The following ITCH variants were observed in gnomAD, a reference collection of about 807,000 sequenced individuals.
ITCH encodes E3 ubiquitin-protein ligase Itchy homolog.
A neutral mutation model predicts 126.8 loss-of-function variants in ITCH; 28 were observed. That is an observed-to-expected ratio of 0.22 (90% CI 0.16 to 0.30). The LOEUF is 0.30. ITCH is among the 10% of genes least tolerant of loss of function. The pLI is 1.00. For synonymous variants in ITCH, 342 were observed against 340.0 expected, an observed-to-expected ratio of 1.01 and a Z score of -0.06; for missense variants, 631 against 1,032.4, an observed-to-expected ratio of 0.61 and a Z score of 5.33.
At chr20:34,482,945 C>T (rs1988861612) in intron 20 of ITCH, among the ~76,000 whole-genome samples, 2 of 152,190 alleles carry the variant, frequency 1.3e-5, no homozygotes, top group Non-Finnish European at 2.9e-5. Flanking sequence ...TTTTTGCCTT[C>T]TGTGCACCCT....
intron 23 of ITCH, among the ~76,000 whole-genome samples, chr20:34,496,100 C>G (rs1989864178): frequency 6.6e-6 from 1 of 151,874 alleles, no homozygotes; most frequent in African/African-American, 2.4e-5. Flanking sequence ...GAATTTACAT[C>G]CCTGCCAACA....
intron 2 of ITCH, among the ~76,000 whole-genome samples, chr20:34,377,041 C>T (rs372475483): frequency 6.6e-6 from 1 of 152,114 alleles, no homozygotes; most frequent in African/African-American, 2.4e-5. Context: ...GGATTACATA[C>T]GTTTTCTTAC....
intron 7 of ITCH, among the ~76,000 whole-genome samples, chr20:34,425,642 G>A (rs1038663820): frequency 6.6e-6 from 1 of 152,222 alleles, no homozygotes; most frequent in Non-Finnish European, 1.5e-5. Context: ...AGATGTTTGT[G>A]TAAAGTGAAA....
chr20:34,440,672 C>T (rs1329532192), intron 9 of ITCH, among the ~76,000 whole-genome samples: 5 of 151,566 alleles, frequency 3.3e-5, no homozygotes, highest in South Asian at 2.1e-4. Flanking sequence ...AGGCTGGTCT[C>T]GAACTCCTGA....
At chr20:34,432,336 T>C (rs929983808) in intron 7 of ITCH, among the ~76,000 whole-genome samples, 7 of 152,148 alleles carry the variant, frequency 4.6e-5, no homozygotes, top group Non-Finnish European at 1.0e-4. Flanking sequence ...TAAAAATGTA[T>C]TATCAAAAGC....
chr20:34,477,868 T>C lies in ITCH; in HGVS notation c.1658+8T>C. The C allele has an allele frequency of 2.5e-6, 4 of 1,613,326 alleles. No individual in the cohort carries two copies. Among genetic ancestry groups the C allele is most frequent in the Non-Finnish European group, 3.4e-6 (4 of 1,179,320 alleles). ...TTATGGAGGTGTAGCAAGGTAGTGA[T>C]AATATGAATACTCAGAACTTAGTTC... is the stretch of plus-strand genomic sequence containing the variant. On this transcript the variant is annotated splice_region_variant and intron_variant, in intron 17 of 24. Transcript: ENST00000374864.
At chr20:34,385,572 G>A (rs1249380781) in intron 2 of ITCH, among the ~76,000 whole-genome samples, 2 of 152,120 alleles carry the variant, frequency 1.3e-5, no homozygotes, top group East Asian at 3.8e-4. Flanking sequence ...TCAGAAAGCT[G>A]TTTGTCAGAA....
intron 20 of ITCH, among the ~76,000 whole-genome samples, chr20:34,488,942 G>C (rs1482325560): frequency 6.6e-6 from 1 of 152,034 alleles, no homozygotes; most frequent in African/African-American, 2.4e-5. Flanking sequence ...GGGAGGCCGA[G>C]GTAGGAGGAT....
chr20:34,466,890 G>A (rs535148805), intron 14 of ITCH, among the ~76,000 whole-genome samples: 1 of 152,108 alleles, frequency 6.6e-6, no homozygotes, highest in African/African-American at 2.4e-5. Flanking sequence ...GCTAGAAAAA[G>A]GCAAGTTATT....
intron 17 of ITCH, among the ~76,000 whole-genome samples, chr20:34,478,602 A>G (rs1301637238): frequency 6.6e-6 from 1 of 152,162 alleles, no homozygotes; most frequent in African/African-American, 2.4e-5. Flanking sequence ...TCATCTGTAA[A>G]ATAAGAATAT....
At chr20:34,414,864 C>T (rs1318053788) in intron 6 of ITCH, among the ~76,000 whole-genome samples, 1 of 152,208 alleles carries the variant, frequency 6.6e-6, no homozygotes, top group Non-Finnish European at 1.5e-5. Context: ...GTAGGCTACA[C>T]TTACAGAGAT....
chr20:34,501,815 A>T lies in ITCH; in HGVS notation c.2417-2516A>T, dbSNP rs563647999. Among the ~76,000 whole-genome samples, 13 of 152,096 alleles carry T rather than the reference A, an allele frequency of 8.5e-5. No individual in the cohort carries two copies. The East Asian group carries it at 2.5e-3, about 29-fold the overall frequency. The stretch of plus-strand genomic sequence containing the variant: ...AAAAAGACAAGTAGTACTGGAAAAT[A>T]AAAGAACAGATGAGAAAGATAAATA... On this transcript the variant is annotated intron_variant, in intron 23 of 24. Coordinates refer to ENST00000374864, the MANE Select transcript of ITCH (RefSeq NM_031483.7).
intron 6 of ITCH, among the ~76,000 whole-genome samples, chr20:34,419,629 C>T (rs1397518237): frequency 6.6e-6 from 1 of 151,978 alleles, no homozygotes; most frequent in Non-Finnish European, 1.5e-5. Flanking sequence ...CAGGCGTCCA[C>T]GACCACACTC....
intron 23 of ITCH, among the ~76,000 whole-genome samples, chr20:34,499,626 GA>G (rs59964743): frequency 0.73 from 108,148 of 148,474 alleles, 40,364 homozygotes; most frequent in African/African-American, 0.89. Flanking sequence ...TATCCTTTCA[GA>G]AAAAAAAAAC....
chr20:34,392,817 G>C (rs1244781342), intron 2 of ITCH, among the ~76,000 whole-genome samples: 5 of 152,122 alleles, frequency 3.3e-5, no homozygotes. Flanking sequence ...TTGGGGAGTG[G>C]TGGTGTGCAC....
chr20:34,425,010 G>T (rs920148215), intron 7 of ITCH, among the ~76,000 whole-genome samples: 1 of 152,212 alleles, frequency 6.6e-6, no homozygotes, highest in Admixed American at 6.5e-5. Context: ...GTGGGGAAAA[G>T]AAAGAAAGAT....
At chr20:34,473,155 T>A (rs1357125456) in intron 16 of ITCH, among the ~76,000 whole-genome samples, 1 of 152,210 alleles carries the variant, frequency 6.6e-6, no homozygotes, top group Non-Finnish European at 1.5e-5. Flanking sequence ...CAAAACTAAT[T>A]GCAAAATTAG....
rs1477697825 is a variant in ITCH, at chr20:34,474,786, C to T, written c.1570-2986C>T. On this transcript the variant is annotated intron_variant, in intron 16 of 24. Transcript: ENST00000374864. ...CTCCAGGACAGGGCGGCTGGCCGGG[C>T]GGGGGGGCTGACCCCCCCACCTCCC... is the stretch of plus-strand genomic sequence containing the variant. Among the ~76,000 whole-genome samples, 4 of 150,322 alleles carry T rather than the reference C, an allele frequency of 2.7e-5. No homozygotes were observed. In the East Asian group the frequency reaches 6.1e-4, roughly 23 times the overall value.
chr20:34,462,197 A>T lies in ITCH; in HGVS notation c.1400A>T (p.Asp467Val). The T allele has an allele frequency of 1.2e-6, 2 of 1,613,916 alleles. No individual in the cohort carries two copies. The highest frequency in any genetic ancestry group is 1.7e-6 in the Non-Finnish European group (2 of 1,179,864). Residue 467 changes from aspartate (D) to valine (V), a missense_variant, in exon 14 of 25, where the codon GAT (aspartate) becomes GTT (valine). By Grantham distance (152) the Asp-to-Val change is radical. Transcript: ENST00000374864. ...AATAGAAGAACTACCACCTATATAG[A>T]TCCCCGCACAGGAAAATCTGCCCTG... ...DHNRRTTTYIDPRTGKSALDN... is the reference protein window; with the variant it reads ...DHNRRTTTYIVPRTGKSALDN...
Sources: gnomAD v4.1 joint callset for allele counts (sites outside exome capture counted in the v4.1 genomes callset) on GRCh38, gnomAD v4.1.1 for gene constraint, MANE v1.5 for transcripts, NCBI Gene and HGNC (gene_info 2026-07-23, HGNC 2026-07-21) for gene names.